Variants in MTRF1L observed in about 807,000 individuals in gnomAD.
The protein encoded by MTRF1L is mitochondrial translation release factor 1 like, also known as peptide chain release factor 1-like, mitochondrial.
MTRF1L carries 29 observed loss-of-function variants against 40.0 expected under a neutral mutation model. The ratio of observed to expected loss-of-function variants is 0.73; its 90% confidence interval spans 0.54 to 0.99. The LOEUF (loss-of-function observed/expected upper bound fraction) is 0.99. Ranked by LOEUF, MTRF1L falls within the 50% of genes least tolerant of loss-of-function variation. The probability of loss-of-function intolerance (pLI) is 0.00; values close to 1 mark genes in which losing one functional copy is unlikely to be tolerated. For missense variants in MTRF1L, 412 were observed against 464.5 expected (o/e 0.89, Z 1.04); for synonymous variants, 150 against 175.8 (o/e 0.85, Z 1.16).
chr6:152,999,572 CCCACCTGTTGTGGGA>C (rs1421915828), intron 1 of MTRF1L, among the ~76,000 whole-genome samples: 1 of 152,188 alleles, frequency 6.6e-6, no homozygotes, highest in Non-Finnish European at 1.5e-5. Context: ...TCCCACAATT[CCCACCTGTTGTGGGA>C]GGGACCCAGT....
chr6:152,997,313 T>A (rs775690024), intron 2 of MTRF1L, among the ~76,000 whole-genome samples: 2 of 152,216 alleles, frequency 1.3e-5, no homozygotes, highest in Non-Finnish European at 1.5e-5. Context: ...ACATCTCAAC[T>A]GGTTCAGCTT....
At chr6:152,990,428 T>C in intron 6 of MTRF1L, 1 of 229,490 alleles carries the variant, frequency 4.4e-6, no homozygotes. Flanking sequence ...CTATAGTCGC[T>C]GAATACATAT....
intron 1 of MTRF1L, among the ~76,000 whole-genome samples, chr6:153,000,067 GT>G (rs770407979): frequency 5.9e-5 from 9 of 152,202 alleles, no homozygotes; most frequent in Non-Finnish European, 1.2e-4. Flanking sequence ...AATGGAAAAT[GT>G]GTTAGGAAAA....
chr6:152,997,964 T>C (rs1282489908), intron 2 of MTRF1L, among the ~76,000 whole-genome samples: 1 of 152,118 alleles, frequency 6.6e-6, no homozygotes, highest in Non-Finnish European at 1.5e-5. Context: ...CTCAGTTCTT[T>C]AGGGATGCAT....
intron 1 of MTRF1L, 26 bp downstream of exon 1, chr6:153,002,401 G>C: frequency 6.2e-7 from 1 of 1,613,874 alleles, no homozygotes; most frequent in East Asian, 2.2e-5. Flanking sequence ...GTGCTCTGAC[G>C]CCTCTCCCCC....
intron 5 of MTRF1L, among the ~76,000 whole-genome samples, chr6:152,992,535 A>G (rs1028437728): frequency 3.3e-5 from 5 of 152,192 alleles, no homozygotes; most frequent in Non-Finnish European, 2.9e-5. Context: ...ATTTTCTGAT[A>G]AAGAACCCAT....
In MTRF1L at chr6:152,994,829, ATATT is replaced by A. The variant is rs1216768017; in HGVS notation, c.524-157_524-154del. 3.0e-6 allele frequency: 3 copies of A among 1,000,108 alleles called. No homozygotes were observed. The East Asian group carries it at 7.8e-5, about 26-fold the overall frequency. The allele number at this position is 1,000,108 out of a possible 1,614,324, so 62.0% of individuals were successfully genotyped here. A position where few individuals can be genotyped will look rare whatever the true frequency, so the allele number is the denominator to read the frequency against. On this transcript the variant is annotated intron_variant, in intron 3 of 6. Transcript: ENST00000367233. ...ACATATTAAAATATTCAATGTTTTA[ATATT>A]TATCTTTACTGCTTACAAGTACTAA...
At chr6:152,999,052 TAAA>T (rs902950193) in intron 1 of MTRF1L, among the ~76,000 whole-genome samples, 53 of 152,234 alleles carry the variant, frequency 3.5e-4, no homozygotes, top group African/African-American at 1.3e-3. Context: ...AAAATTCAAT[TAAA>T]AAGTAGAAAT....
rs779250561 is a variant in MTRF1L at position 152,992,876 on chromosome 6, C to G, written c.786G>C (p.Arg262=). ...QHVNTTDSAV[R]IVHLPTGVVS... is the part of the protein sequence containing the mutation. Reference sequence around the variant, plus strand: ...ACACACCTGTTGGAAGATGAACTATCCGGACAGCACTGTCCGTGGTATTTA... The same window carrying G: ...ACACACCTGTTGGAAGATGAACTATGCGGACAGCACTGTCCGTGGTATTTA... Residue 262 remains arginine (R), a synonymous_variant, in exon 5 of 7, where the codon CGG becomes CGC. Transcript: ENST00000367233. The G allele has an allele frequency of 3.1e-6, 5 of 1,611,294 alleles. No homozygotes were observed. The highest frequency in any genetic ancestry group is 4.5e-5 in the East Asian group (2 of 44,854).
chr6:152,989,655 A>G lies in MTRF1L; in HGVS notation c.*240T>C. ...GTTGCTAACGTTATATGCATTTTTA[A>G]CTTATGATGGGTTTATTGGGAATTA... is the stretch of plus-strand genomic sequence containing the variant. On this transcript the variant is annotated 3_prime_UTR_variant, in exon 7 of 7. Coordinates refer to ENST00000367233, the MANE Select transcript of MTRF1L (RefSeq NM_019041.7). The G allele has an allele frequency of 2.1e-6, 1 of 472,666 alleles. No individual in the cohort carries two copies. The highest frequency in any genetic ancestry group is 3.6e-6 in the Non-Finnish European group (1 of 277,178). 29.3% of individuals were successfully genotyped at this position (472,666 alleles called of 1,614,324 possible).
At chr6:152,993,299 T>G (rs1562299767) in intron 4 of MTRF1L, among the ~76,000 whole-genome samples, 1 of 152,068 alleles carries the variant, frequency 6.6e-6, no homozygotes, top group Non-Finnish European at 1.5e-5. Flanking sequence ...ACTGAATGTT[T>G]AAGGTTTTTT....
At position 152,989,778 on chromosome 6, in the gene MTRF1L, T is replaced by C; in HGVS notation, c.*117A>G. 1 of 1,179,880 alleles carries C rather than the reference T, an allele frequency of 8.5e-7. No homozygotes were observed. The highest frequency in any genetic ancestry group is 1.2e-6 in the Non-Finnish European group (1 of 866,850). The allele number at this position is 1,179,880 out of a possible 1,614,324, so 73.1% of individuals were successfully genotyped here. A position where few individuals can be genotyped will look rare whatever the true frequency, so the allele number is the denominator to read the frequency against. On this transcript the variant is annotated 3_prime_UTR_variant, in exon 7 of 7. Coordinates refer to ENST00000367233, the MANE Select transcript of MTRF1L (RefSeq NM_019041.7). ...ATTATCTATGACTTCAGAATATGCA[T>C]ATTACCTCCAACTGTGTTAACTCAA...
Position 152,991,201 on chromosome 6 carries a change from TTCTG to T in MTRF1L, c.922_925del (p.Gln308MetfsTer16), listed in dbSNP as rs751463182. The T allele has an allele frequency of 3.5e-5, 54 of 1,550,786 alleles. No individual in the cohort carries two copies. The highest frequency in any genetic ancestry group is 1.4e-4 in the East Asian group (6 of 43,678). ...TTTTTTTACCTGAATTTTTCTAGCA[TTCTG>T]TCTTTTATTTATTTCTTCTTCTAGA... On this transcript the variant is annotated frameshift_variant, in exon 6 of 7. Coordinates refer to ENST00000367233, the MANE Select transcript of MTRF1L (RefSeq NM_019041.7). LOFTEE classifies it high-confidence loss of function.
intron 1 of MTRF1L, 25 bp downstream of exon 1, chr6:153,002,402 C>A (rs756012411): frequency 1.2e-6 from 2 of 1,613,798 alleles, no homozygotes; most frequent in Admixed American, 3.3e-5. Flanking sequence ...TGCTCTGACG[C>A]CTCTCCCCCG....
intron 2 of MTRF1L, 23 bp from the exon 3 acceptor site, chr6:152,995,342 C>T (rs1196367434): frequency 6.7e-7 from 1 of 1,498,802 alleles, no homozygotes; most frequent in Non-Finnish European, 9.0e-7. Context: ...AAATATCACC[C>T]CTCCTATAAT....
At chr6:152,991,480 G>A (rs1012338181) in intron 5 of MTRF1L, 159 bp from the exon 6 acceptor site, 3 of 818,918 alleles carry the variant, frequency 3.7e-6, no homozygotes, top group African/African-American at 3.6e-5. Context: ...CTTAACTTTT[G>A]CAGAGTTTAT....
intron 1 of MTRF1L, among the ~76,000 whole-genome samples, chr6:153,000,867 A>ATTTTTTTTTTTTT: frequency 1.0e-5 from 1 of 100,482 alleles, no homozygotes; most frequent in Non-Finnish European, 1.9e-5. Context: ...GGTACTACGG[A>ATTTTTTTTTTTTT]TTTTTTTTTT....
chr6:152,999,848 CAGT>C lies in MTRF1L; in HGVS notation c.260-1222_260-1220del, dbSNP rs770203942. ...CCTGTCTTGGGTATGTCTTTATCAGCAGTGTGAAAACAGACTAATACACTATGT... is the reference window on the plus strand; with the variant it reads ...CCTGTCTTGGGTATGTCTTTATCAGCGTGAAAACAGACTAATACACTATGT... On this transcript the variant is annotated intron_variant, in intron 1 of 6. Coordinates refer to ENST00000367233, the MANE Select transcript of MTRF1L (RefSeq NM_019041.7). Among the ~76,000 whole-genome samples the C allele has an allele frequency of 3.3e-4, 50 of 152,270 alleles. No homozygotes were observed. In the East Asian group the frequency reaches 9.5e-3, roughly 29 times the overall value.
rs772706234 is a variant in MTRF1L, at chr6:152,994,532, A to G, written c.668T>C (p.Ile223Thr). ...RVHTSTMTVA[I>T]LPQPTEINLV... is the part of the protein sequence containing the mutation. ...CCTTACCTCAGTAGGCTGGGGTAAT[A>G]TTGCTACAGTCATGGTGCTAGTATG... The change falls in exon 4 of 7, where the codon ATA becomes ACA. Residue 223 changes from isoleucine to threonine, a missense_variant. Physicochemically the swap from Ile to Thr is moderately conservative, Grantham distance 89 (BLOSUM62 -1). Coordinates refer to ENST00000367233, the MANE Select transcript of MTRF1L (RefSeq NM_019041.7). The G allele has an allele frequency of 5.6e-6, 9 of 1,611,060 alleles. No homozygotes were observed. The highest frequency in any genetic ancestry group is 2.2e-4 in the Middle Eastern group (1 of 4,502).
Sources: gnomAD v4.1 joint callset for allele counts (sites outside exome capture counted in the v4.1 genomes callset) on GRCh38, gnomAD v4.1.1 for gene constraint, MANE v1.5 for transcripts, NCBI Gene and HGNC (gene_info 2026-07-23, HGNC 2026-07-21) for gene names.